Variants in C12orf42 observed in about 807,000 individuals in gnomAD.
C12orf42 encodes the protein chromosome 12 open reading frame 42.
C12orf42 carries 25 observed loss-of-function variants against 21.6 expected under a neutral mutation model. The ratio of observed to expected loss-of-function variants is 1.16; its 90% CI spans 0.84 to 1.62. C12orf42 has a LOEUF of 1.62. Ranked by LOEUF, C12orf42 falls within the 40% of genes most tolerant of loss-of-function variation. C12orf42 has a pLI of 0.00. For synonymous variants in C12orf42, 174 were observed against 175.0 expected (o/e 0.99, Z 0.05); for missense variants, 483 against 459.3 (o/e 1.05, Z -0.47).
chr12:103,506,183 T>C, the C12orf42 span: 3 of 156,136 alleles, frequency 1.9e-5, no homozygotes, highest in Admixed American at 6.5e-5. Context: ...TTTCAAAGAA[T>C]AAGACACATT....
the C12orf42 span, among the ~76,000 whole-genome samples, chr12:103,531,433 G>A: frequency 6.6e-6 from 1 of 152,156 alleles, no homozygotes; most frequent in Non-Finnish European, 1.5e-5. Flanking sequence ...CATGAAGCCT[G>A]CCTATAGCAG....
At chr12:103,455,693 T>C (rs1952241173) in intron 2 of C12orf42, among the ~76,000 whole-genome samples, 1 of 152,276 alleles carries the variant, frequency 6.6e-6, no homozygotes, top group African/African-American at 2.4e-5. Context: ...TTTTCTCTTC[T>C]TAGAGAGCAG....
At chr12:103,050,219 GGTGTGT>G in the C12orf42 span, among the ~76,000 whole-genome samples, 2,033 of 148,560 alleles carry the variant, frequency 0.014, 12 homozygotes, top group South Asian at 0.022. Flanking sequence ...TTTTCTCACA[GGTGTGT>G]GTGTGTGTGT....
chr12:103,067,100 G>A, the C12orf42 span, among the ~76,000 whole-genome samples: 128 of 152,294 alleles, frequency 8.4e-4, no homozygotes, highest in Middle Eastern at 3.4e-3. Flanking sequence ...ACCATTCCTC[G>A]GAGTAATCAG....
At chr12:103,208,344 A>G in the C12orf42 span, among the ~76,000 whole-genome samples, 3 of 152,020 alleles carry the variant, frequency 2.0e-5, no homozygotes, top group Non-Finnish European at 4.4e-5. Context: ...CCCCCTTTAG[A>G]TCTCCCCACC....
intron 4 of C12orf42, among the ~76,000 whole-genome samples, chr12:103,287,815 A>G (rs1442799313): frequency 2.0e-5 from 3 of 152,000 alleles, no homozygotes; most frequent in Non-Finnish European, 4.4e-5. Context: ...AAAGAGAGAG[A>G]GAGAGACAGA....
chr12:103,269,173 A>C (rs930626645), intron 6 of C12orf42, among the ~76,000 whole-genome samples: 2 of 152,176 alleles, frequency 1.3e-5, no homozygotes, highest in Admixed American at 1.3e-4. Flanking sequence ...ATGAAGTGCT[A>C]TTTTAAAACA....
chr12:103,535,350 T>C, the C12orf42 span, among the ~76,000 whole-genome samples: 2 of 151,692 alleles, frequency 1.3e-5, no homozygotes, highest in Non-Finnish European at 2.9e-5. Flanking sequence ...TAGATATAAG[T>C]ATAAAATATA....
chr12:103,277,412 G>C (rs1391720742), intron 4 of C12orf42, among the ~76,000 whole-genome samples: 1 of 152,060 alleles, frequency 6.6e-6, no homozygotes, highest in Non-Finnish European at 1.5e-5. Flanking sequence ...TATCGTATCT[G>C]CTTCTGCATT....
chr12:103,172,143 G>A, the C12orf42 span, among the ~76,000 whole-genome samples: 1 of 151,898 alleles, frequency 6.6e-6, no homozygotes, highest in Non-Finnish European at 1.5e-5. Flanking sequence ...CAGGAGGGAG[G>A]CTCCTCCTGC....
At chr12:103,367,069 G>A (rs2044668489) in intron 4 of C12orf42, among the ~76,000 whole-genome samples, 1 of 151,900 alleles carries the variant, frequency 6.6e-6, no homozygotes, top group African/African-American at 2.4e-5. Flanking sequence ...ATCAATCAAC[G>A]GGTGGATAAA....
the C12orf42 span, among the ~76,000 whole-genome samples, chr12:103,147,393 T>C: frequency 6.6e-6 from 1 of 152,092 alleles, no homozygotes; most frequent in Non-Finnish European, 1.5e-5. Flanking sequence ...TAGCATTATG[T>C]CAAATTAAAG....
At chr12:103,072,569 G>C in the C12orf42 span, among the ~76,000 whole-genome samples, 2 of 152,060 alleles carry the variant, frequency 1.3e-5, no homozygotes, top group Admixed American at 6.6e-5. Context: ...GAGCAGATGA[G>C]AGTCCCTCCC....
At chr12:103,240,309 G>A (rs1435368598) in intron 10 of C12orf42, among the ~76,000 whole-genome samples, 2 of 152,108 alleles carry the variant, frequency 1.3e-5, no homozygotes, top group Admixed American at 6.6e-5. Context: ...TAGATAAGAC[G>A]ATAAGACCAT....
intron 3 of C12orf42, among the ~76,000 whole-genome samples, chr12:103,375,531 C>G (rs2045617470): frequency 6.6e-6 from 1 of 151,964 alleles, no homozygotes; most frequent in African/African-American, 2.4e-5. Context: ...AGAAAGCAAG[C>G]CCCAAAAAAC....
the C12orf42 span, among the ~76,000 whole-genome samples, chr12:103,173,839 C>T: frequency 3.9e-5 from 6 of 152,262 alleles, no homozygotes; most frequent in African/African-American, 9.6e-5. Context: ...ACTGCAGGAA[C>T]TCAAGCATAC....
the C12orf42 span, among the ~76,000 whole-genome samples, chr12:103,547,555 G>C: frequency 1.3e-5 from 2 of 152,116 alleles, no homozygotes; most frequent in Admixed American, 6.5e-5. Flanking sequence ...TGAGGGAATA[G>C]AAAAACAAAT....
chr12:103,503,909 G>T, the C12orf42 span: 1 of 155,766 alleles, frequency 6.4e-6, no homozygotes, highest in South Asian at 1.8e-4. Flanking sequence ...GGAGTGGGTG[G>T]ACAGTGGCTA....
the C12orf42 span, among the ~76,000 whole-genome samples, chr12:103,053,143 C>T: frequency 1.6e-4 from 24 of 151,956 alleles, no homozygotes; most frequent in African/African-American, 5.3e-4. Context: ...TATCCATATA[C>T]TTTGTTTTTA....
Sources: allele counts gnomAD v4.1 joint callset (sites outside exome capture counted in the v4.1 genomes callset), GRCh38; gene constraint gnomAD v4.1.1; transcripts MANE v1.5; gene names NCBI Gene and HGNC (gene_info 2026-07-23, HGNC 2026-07-21).